KCNN2: variants seen among roughly 807,000 people sequenced by gnomAD.
The protein encoded by KCNN2 is potassium calcium-activated channel subfamily N member 2, also known as small conductance calcium-activated potassium channel protein 2.
Under a neutral mutation model 55.5 loss-of-function variants are expected in KCNN2, and 24 were observed. The ratio of observed to expected loss-of-function variants is 0.43; its 90% CI spans 0.31 to 0.61. KCNN2 has a LOEUF of 0.61. Ranked by LOEUF, KCNN2 falls within the 20% of genes least tolerant of loss-of-function variation. The pLI is 0.08. For synonymous variants in KCNN2, 431 were observed against 336.1 expected, an observed-to-expected ratio of 1.28 and a Z score of -3.09; for missense variants, 754 against 853.6, an observed-to-expected ratio of 0.88 and a Z score of 1.45.
At position 114,415,424 on chromosome 5, in the gene KCNN2, C is replaced by CGT. The variant is rs746421244; in HGVS notation, c.1637+10579_1637+10580dup. 2.5e-3 allele frequency among the ~76,000 whole-genome samples: 376 copies of CGT among 151,874 alleles called. 4 individuals carry two copies. Among genetic ancestry groups the CGT allele is most frequent in the African/African-American group, 8.5e-3 (354 of 41,432 alleles). On this transcript the variant is annotated intron_variant, in intron 3 of 7. Coordinates refer to ENST00000673685, the MANE Select transcript of KCNN2 (RefSeq NM_021614.4). ...CCTTGACAACATTGTCAGTTGTGTG[C>CGT]GTGTGTGTGTGTATTATATATATTG... is the stretch of plus-strand genomic sequence containing the variant.
At chr5:114,259,514 C>T (rs1331893424) in intron 2 of KCNN2, among the ~76,000 whole-genome samples, 1 of 152,100 alleles carries the variant, frequency 6.6e-6, no homozygotes, top group African/African-American at 2.4e-5. Context: ...CTCAAGAAGT[C>T]CTCAAATCGA....
At chr5:114,160,480 G>A (rs1357737704) in intron 1 of KCNN2, among the ~76,000 whole-genome samples, 3 of 152,176 alleles carry the variant, frequency 2.0e-5, no homozygotes, top group Non-Finnish European at 2.9e-5. Context: ...TGTATATTCT[G>A]TTGATTTGGG....
intron 2 of KCNN2, among the ~76,000 whole-genome samples, chr5:114,312,493 A>G (rs1437130698): frequency 7.6e-6 from 1 of 131,492 alleles, no homozygotes; most frequent in East Asian, 2.4e-4. Context: ...AGCCTAGTCC[A>G]TCTTCTCTTG....
intron 1 of KCNN2, among the ~76,000 whole-genome samples, chr5:114,197,687 T>C (rs1487300583): frequency 6.6e-6 from 1 of 152,020 alleles, no homozygotes; most frequent in Non-Finnish European, 1.5e-5. Flanking sequence ...GGAGGCAGAA[T>C]AGGGGTGGGA....
At chr5:114,487,510 A>G (rs1274258633) in intron 6 of KCNN2, among the ~76,000 whole-genome samples, 1 of 152,172 alleles carries the variant, frequency 6.6e-6, no homozygotes, top group Non-Finnish European at 1.5e-5. Flanking sequence ...TATTTTCTAA[A>G]CATAGCTTCA....
intron 1 of KCNN2, among the ~76,000 whole-genome samples, chr5:114,080,955 G>A (rs1191110819): frequency 6.6e-6 from 1 of 151,990 alleles, no homozygotes; most frequent in Non-Finnish European, 1.5e-5. Context: ...ACAAAACACT[G>A]TTAGAACTAA....
intron 1 of KCNN2, among the ~76,000 whole-genome samples, chr5:114,186,903 A>G (rs1167995918): frequency 2.0e-5 from 3 of 152,202 alleles, no homozygotes; most frequent in African/African-American, 4.8e-5. Context: ...TATAAGGCCA[A>G]TATAACCTTA....
intron 1 of KCNN2, among the ~76,000 whole-genome samples, chr5:114,214,300 T>C (rs557826315): frequency 1.1e-4 from 17 of 151,938 alleles, no homozygotes; most frequent in Non-Finnish European, 2.5e-4. Flanking sequence ...AATAAAACTT[T>C]GTTTACACAA....
chr5:114,379,605 T>TG lies in KCNN2; in HGVS notation c.1218+15604_1218+15605insG, dbSNP rs555872718. Among the ~76,000 whole-genome samples the TG allele has an allele frequency of 8.4e-3, 328 of 39,078 alleles. 91 individuals carry two copies. The highest frequency in any genetic ancestry group is 0.073 in the African/African-American group (274 of 3,740). 25.6% of individuals were successfully genotyped at this position (39,078 alleles called of 152,430 possible). ...TATATTATATAACATATTATATATT[T>TG]TAGAATATATTATATAACATATTAT... is the stretch of plus-strand genomic sequence containing the variant. On this transcript the variant is annotated intron_variant, in intron 2 of 7. Transcript: ENST00000673685.
intron 3 of KCNN2, among the ~76,000 whole-genome samples, chr5:114,430,357 T>C (rs1490869113): frequency 6.6e-6 from 1 of 152,138 alleles, no homozygotes; most frequent in African/African-American, 2.4e-5. Flanking sequence ...ACAACTATTA[T>C]TCATTTATTT....
At chr5:114,431,498 T>A (rs1328836929) in intron 3 of KCNN2, among the ~76,000 whole-genome samples, 1 of 152,114 alleles carries the variant, frequency 6.6e-6, no homozygotes, top group East Asian at 1.9e-4. Context: ...TGTCATGAAA[T>A]TTATCAATTT....
At chr5:114,469,812 CTAAAAAT>C (rs1761636222) in intron 4 of KCNN2, among the ~76,000 whole-genome samples, 1 of 152,060 alleles carries the variant, frequency 6.6e-6, no homozygotes, top group Non-Finnish European at 1.5e-5. Flanking sequence ...TTGCATAACT[CTAAAAAT>C]TAAAAAATAA....
intron 1 of KCNN2, among the ~76,000 whole-genome samples, chr5:114,196,942 T>C (rs970024563): frequency 6.6e-6 from 1 of 152,104 alleles, no homozygotes; most frequent in African/African-American, 2.4e-5. Context: ...AGGTTATTGA[T>C]TGAGATCTTT....
chr5:114,125,400 T>C (rs1751909661), intron 1 of KCNN2, among the ~76,000 whole-genome samples: 1 of 152,216 alleles, frequency 6.6e-6, no homozygotes, highest in Non-Finnish European at 1.5e-5. Context: ...TATTTTTAAA[T>C]TCATGCTAAT....
At chr5:114,187,506 C>CT (rs34325633) in intron 1 of KCNN2, among the ~76,000 whole-genome samples, 20,445 of 126,454 alleles carry the variant, frequency 0.16, 2,133 homozygotes, top group Middle Eastern at 0.23. Flanking sequence ...GTATCTCTGG[C>CT]TTTTTTTTTT....
chr5:114,446,887 G>T (rs1443664731), intron 3 of KCNN2, among the ~76,000 whole-genome samples: 2 of 152,146 alleles, frequency 1.3e-5, no homozygotes, highest in Non-Finnish European at 1.5e-5. Context: ...GGGTGACAGA[G>T]CAAGACTCTG....
At chr5:114,470,199 C>T (rs1761656006) in intron 4 of KCNN2, among the ~76,000 whole-genome samples, 1 of 152,128 alleles carries the variant, frequency 6.6e-6, no homozygotes, top group African/African-American at 2.4e-5. Flanking sequence ...TTTTCCACTC[C>T]TGTTAGGATT....
At chr5:114,190,833 T>G (rs1452823401) in intron 1 of KCNN2, among the ~76,000 whole-genome samples, 1 of 152,178 alleles carries the variant, frequency 6.6e-6, no homozygotes, top group African/African-American at 2.4e-5. Flanking sequence ...GCTATGGTAC[T>G]TCTAAATGCT....
intron 2 of KCNN2, among the ~76,000 whole-genome samples, chr5:114,237,142 A>T (rs191172161): frequency 6.2e-4 from 94 of 152,224 alleles, no homozygotes; most frequent in African/African-American, 2.2e-3. Context: ...GTGATTGTTC[A>T]GCTCTTGAAA....
Sources: gnomAD v4.1 joint callset for allele counts (sites outside exome capture counted in the v4.1 genomes callset) on GRCh38, gnomAD v4.1.1 for gene constraint, MANE v1.5 for transcripts, NCBI Gene and HGNC (gene_info 2026-07-23, HGNC 2026-07-21) for gene names.